The following NDUFA10 variants were observed in gnomAD, a reference collection of about 807,000 sequenced individuals.
NDUFA10 encodes the protein NADH dehydrogenase [ubiquinone] 1 alpha subcomplex subunit 10, mitochondrial.
A neutral mutation model predicts 47.8 loss-of-function variants in NDUFA10; 40 were observed. That is an observed-to-expected ratio of 0.84 (90% CI 0.65 to 1.09). The LOEUF (loss-of-function observed/expected upper bound fraction) is 1.09. NDUFA10 is among the 50% of genes least tolerant of loss of function. The pLI, the probability that NDUFA10 is intolerant of heterozygous loss-of-function variation, is 0.00. For missense variants in NDUFA10, 413 were observed against 451.1 expected, an observed-to-expected ratio of 0.92 and a Z score of 0.76; for synonymous variants, 183 against 172.2, an observed-to-expected ratio of 1.06 and a Z score of -0.49.
intron 5 of NDUFA10, chr2:240,014,356 G>A (rs977049848): frequency 3.0e-6 from 1 of 332,972 alleles, no homozygotes; most frequent in Non-Finnish European, 5.9e-6. Flanking sequence ...AGGGATATTA[G>A]AAATTGCTTC....
chr2:239,922,031 T>TCCCTCCTTCCCTTCTTCCCTCCCTC (rs1693997332), intron 4 of NDUFA10, among the ~76,000 whole-genome samples: 1 of 133,260 alleles, frequency 7.5e-6, no homozygotes, highest in Non-Finnish European at 1.6e-5. Flanking sequence ...CTTCCTTCTT[T>TCCCTCCTTCCCTTCTTCCCTCCCTC]CCTTCCTTCC....
rs1377585106 is a variant in NDUFA10, at chr2:240,014,538, C to T, written c.669+201G>A. The T allele has an allele frequency of 7.9e-6, 6 of 755,282 alleles. No individual in the cohort carries two copies. The African/African-American group carries it at 8.6e-5, about 11-fold the overall frequency. 46.8% of individuals were successfully genotyped at this position (755,282 alleles called of 1,614,324 possible). A position where few individuals can be genotyped will look rare whatever the true frequency, so the allele number is the denominator to read the frequency against. ...CGCAGAGCACTGGTGGGCGGCAGGCCCGCAGGCTGTGGCACCAGGCCGAGC... is the reference window on the plus strand; with the variant it reads ...CGCAGAGCACTGGTGGGCGGCAGGCTCGCAGGCTGTGGCACCAGGCCGAGC... On this transcript the variant is annotated intron_variant, in intron 5 of 9. Transcript: ENST00000252711.
intron 5 of NDUFA10, chr2:240,013,121 A>C (rs555966211): frequency 6.6e-6 from 1 of 152,374 alleles, no homozygotes; most frequent in South Asian, 2.1e-4. Flanking sequence ...TACTTGATAA[A>C]ATATGTAGTT....
At position 239,958,866 on chromosome 2, in the gene NDUFA10, C is replaced by T; in HGVS notation, c.*2252G>A. 1.1e-6 allele frequency: 1 copy of T among 870,970 alleles called. No individual in the cohort carries two copies. Among genetic ancestry groups the T allele is most frequent in the Non-Finnish European group, 1.4e-6 (1 of 725,702 alleles). 54.0% of individuals were successfully genotyped at this position (870,970 alleles called of 1,614,324 possible). A position where few individuals can be genotyped will look rare whatever the true frequency, so the allele number is the denominator to read the frequency against. On this transcript the variant is annotated 3_prime_UTR_variant, in exon 10 of 10. Coordinates refer to ENST00000252711, the MANE Select transcript of NDUFA10 (RefSeq NM_004544.4). ...ACTGCTGCAACAGCATGATTATTTC[C>T]TGATCTCCAAAGCACTGAGAAGTCC...
chr2:239,921,932 C>T (rs191939311), intron 4 of NDUFA10, among the ~76,000 whole-genome samples: 1 of 151,354 alleles, frequency 6.6e-6, no homozygotes. Context: ...TTCTGTCCTT[C>T]CTTCCTTCTT....
rs778927370 is a variant in NDUFA10 at position 240,021,367 on chromosome 2, G to A, written c.290C>T (p.Thr97Ile). The stretch of plus-strand genomic sequence containing the variant: ...GGCGAGGGGCTTCCCATCTCCTGTG[G>A]TACTGTCTGGATAATGAATCCCCGC... ...PEAGIHYPDS[T>I]TGDGKPLATD... Residue 97 changes from threonine (T) to isoleucine (I), a missense_variant, in exon 3 of 10, where the codon ACC becomes ATC. Physicochemically the swap from Thr to Ile is moderately conservative, Grantham distance 89. Transcript: ENST00000252711. The A allele has an allele frequency of 6.2e-7, 1 of 1,614,178 alleles. No individual in the cohort carries two copies. Among genetic ancestry groups the A allele is most frequent in the Non-Finnish European group, 8.5e-7 (1 of 1,180,042 alleles).
At chr2:239,948,932 C>T (rs1694503152) in intron 4 of NDUFA10, among the ~76,000 whole-genome samples, 1 of 152,232 alleles carries the variant, frequency 6.6e-6, no homozygotes, top group African/African-American at 2.4e-5. Context: ...CTCTCTACTT[C>T]AAATGCAGTG....
chr2:239,916,243 CACAG>C (rs1693877187), intron 4 of NDUFA10, among the ~76,000 whole-genome samples: 1 of 141,442 alleles, frequency 7.1e-6, no homozygotes, highest in Non-Finnish European at 1.5e-5. Flanking sequence ...CAGACAGACA[CACAG>C]AGATACACAC....
chr2:240,015,310 C>A (rs542859234), intron 4 of NDUFA10, among the ~76,000 whole-genome samples: 18 of 152,220 alleles, frequency 1.2e-4, no homozygotes, highest in Non-Finnish European at 2.4e-4. Flanking sequence ...GTTCAGTGAT[C>A]TTTGAACTGA....
intron 9 of NDUFA10, among the ~76,000 whole-genome samples, chr2:239,978,160 T>A (rs1243537358): frequency 6.6e-6 from 1 of 152,104 alleles, no homozygotes; most frequent in Non-Finnish European, 1.5e-5. Context: ...AACGGTCCCA[T>A]TCCTCTCTTG....
intron 6 of NDUFA10, among the ~76,000 whole-genome samples, chr2:240,010,726 A>T (rs1189305335): frequency 6.6e-6 from 1 of 152,136 alleles, no homozygotes; most frequent in African/African-American, 2.4e-5. Context: ...CATTTCTCTT[A>T]TTCACTTTTG....
At chr2:240,015,694 ACATGCT>A (rs11280284) in intron 4 of NDUFA10, among the ~76,000 whole-genome samples, 5,033 of 152,334 alleles carry the variant, frequency 0.033, 287 homozygotes, top group African/African-American at 0.11. Flanking sequence ...CTGCACCTGC[ACATGCT>A]CATGCACACC....
At chr2:239,919,055 A>G (rs1461149060) in intron 4 of NDUFA10, among the ~76,000 whole-genome samples, 1 of 152,180 alleles carries the variant, frequency 6.6e-6, no homozygotes, top group Non-Finnish European at 1.5e-5. Flanking sequence ...GGGAGGTGGC[A>G]CTTGTCTCTC....
intron 3 of NDUFA10, among the ~76,000 whole-genome samples, chr2:240,020,169 G>A (rs1343137732): frequency 6.6e-6 from 1 of 152,216 alleles, no homozygotes; most frequent in African/African-American, 2.4e-5. Context: ...AGAAGCCTGT[G>A]AGCCGGCCAC....
chr2:239,893,250 A>T (rs924053035), intron 5 of NDUFA10, among the ~76,000 whole-genome samples: 1 of 152,146 alleles, frequency 6.6e-6, no homozygotes, highest in Admixed American at 6.5e-5. Flanking sequence ...AGAGAACTGG[A>T]TCATGATCGC....
chr2:239,953,383 C>G (rs537148698), downstream of NDUFA10, among the ~76,000 whole-genome samples: 1 of 152,348 alleles, frequency 6.6e-6, no homozygotes, highest in African/African-American at 2.4e-5. Context: ...GCCTCCAGAA[C>G]TTAGGATAAT....
intron 5 of NDUFA10, 154 bp from the exon 6 acceptor site, chr2:240,011,850 C>A: frequency 1.4e-6 from 1 of 699,544 alleles, no homozygotes. Flanking sequence ...CAAAGGGTCC[C>A]AACATCAGCT....
At chr2:240,015,524 G>A (rs1559398249) in intron 4 of NDUFA10, among the ~76,000 whole-genome samples, 1 of 152,252 alleles carries the variant, frequency 6.6e-6, no homozygotes, top group African/African-American at 2.4e-5. Flanking sequence ...CAGCTGCACA[G>A]AAGTATCTAC....
intron 9 of NDUFA10, among the ~76,000 whole-genome samples, chr2:239,988,034 T>C (rs951233919): frequency 6.6e-6 from 1 of 152,092 alleles, no homozygotes; most frequent in African/African-American, 2.4e-5. Context: ...AGAAAAAATA[T>C]AAAACAGTAA....
Sources: allele counts gnomAD v4.1 joint callset (sites outside exome capture counted in the v4.1 genomes callset), GRCh38; gene constraint gnomAD v4.1.1; transcripts MANE v1.5; gene names NCBI Gene and HGNC (gene_info 2026-07-23, HGNC 2026-07-21).